The following MSTN variants were observed in gnomAD, a reference collection of about 807,000 sequenced individuals.
The protein encoded by MSTN is growth/differentiation factor 8.
In MSTN, 12 loss-of-function variants were observed where a neutral mutation model predicts 32.3. The observed-to-expected ratio is 0.37, with a 90% CI of 0.24 to 0.60. The LOEUF is 0.60. Among genes scored for constraint, MSTN ranks in the 20% least tolerant of loss-of-function variants. The pLI, the probability that MSTN is intolerant of heterozygous loss-of-function variation, is 0.67. For synonymous variants in MSTN, 168 were observed against 155.1 expected (o/e 1.08, Z -0.62); for missense variants, 403 against 450.3 (o/e 0.89, Z 0.95).
intron 2 of MSTN, among the ~76,000 whole-genome samples, chr2:190,058,751 C>A (rs1321816025): frequency 1.3e-5 from 2 of 151,894 alleles, no homozygotes; most frequent in Non-Finnish European, 2.9e-5. Flanking sequence ...AATGGAAAAC[C>A]AAATACCATA....
rs1036601450 is a variant in MSTN, at chr2:190,057,096, A to T, written c.*162T>A. On this transcript the variant is annotated 3_prime_UTR_variant, in exon 3 of 3. Coordinates refer to ENST00000260950, the MANE Select transcript of MSTN (RefSeq NM_005259.3). ...TTGTTTGGATGGTTAAATGCCAACC[A>T]TTGCATATATTCCCCCTTTTAGTTT... 4 of 696,778 alleles carry T rather than the reference A, an allele frequency of 5.7e-6. No homozygotes were observed. Among genetic ancestry groups the T allele is most frequent in the Non-Finnish European group, 9.5e-6 (4 of 422,980 alleles). 43.2% of individuals were successfully genotyped at this position (696,778 alleles called of 1,614,324 possible).
chr2:190,059,932 A>G, intron 2 of MSTN, 130 bp downstream of exon 2: 1 of 855,130 alleles, frequency 1.2e-6, no homozygotes, highest in Admixed American at 2.2e-5. Flanking sequence ...GTACAGGGCT[A>G]CCGTTGGGGT....
chr2:190,059,973 G>T, intron 2 of MSTN, 89 bp downstream of exon 2: 1 of 1,382,110 alleles, frequency 7.2e-7, no homozygotes, highest in East Asian at 2.4e-5. Context: ...ATGAGCTTAG[G>T]GAATTTGTAG....
At position 190,060,249 on chromosome 2, in the gene MSTN, G is replaced by T. The variant is rs370978355; in HGVS notation, c.560C>A (p.Thr187Asn). 1.2e-5 allele frequency: 20 copies of T among 1,612,980 alleles called. No individual in the cohort carries two copies. In the African/African-American group the frequency reaches 2.5e-4, roughly 20 times the overall value. Residue 187 changes from threonine (T) to asparagine (N), a missense_variant, in exon 2 of 3, where the codon ACT becomes AAT. Thr to Asn is a moderately conservative substitution (Grantham distance 65). Coordinates refer to ENST00000260950, the MANE Select transcript of MSTN (RefSeq NM_005259.3). ...IKPMKDGTRY[T>N]GIRSLKLDMN... ...GTCAAGTTTCAGAGATCGGATTCCA[G>T]TATACCTTGTACCGTCTTTCATAGG...
chr2:190,062,521 T>C lies in MSTN; in HGVS notation c.76A>G (p.Asn26Asp), dbSNP rs761141037. 1.2e-6 allele frequency: 2 copies of C among 1,613,426 alleles called. No homozygotes were observed. The highest frequency in any genetic ancestry group is 4.5e-5 in the East Asian group (2 of 44,874). Residue 26 changes from asparagine (N) to aspartate (D), a missense_variant, in exon 1 of 3, where the codon AAC (asparagine) becomes GAC (aspartate). Physicochemically the swap from Asn to Asp is conservative, Grantham distance 23. Coordinates refer to ENST00000260950, the MANE Select transcript of MSTN (RefSeq NM_005259.3). ...TCCACATTTTCTTTTTGCTCACTGTTCTCATTTAGATCCACTGGACCAGCA... is the reference window on the plus strand; with the variant it reads ...TCCACATTTTCTTTTTGCTCACTGTCCTCATTTAGATCCACTGGACCAGCA... Reference protein sequence around the residue: ...IVAGPVDLNENSEQKENVEKE... With the variant: ...IVAGPVDLNEDSEQKENVEKE...
intron 2 of MSTN, among the ~76,000 whole-genome samples, chr2:190,059,545 T>C (rs1685534865): frequency 6.6e-6 from 1 of 151,946 alleles, no homozygotes. Context: ...AAACCTTAAA[T>C]ATATTTAATA....
Position 190,060,207 on chromosome 2 carries a change from C to G in MSTN, c.602G>C (p.Gly201Ala). ...CTTCACATCAATGCTCTGCCAAATACCAGTGCCTGGGTTCATGTCAAGTTT... is the reference window on the plus strand; with the variant it reads ...CTTCACATCAATGCTCTGCCAAATAGCAGTGCCTGGGTTCATGTCAAGTTT... ...SLKLDMNPGTGIWQSIDVKTV... is the reference protein window; with the variant it reads ...SLKLDMNPGTAIWQSIDVKTV... The change falls in exon 2 of 3, where the codon GGT becomes GCT. Residue 201 changes from glycine to alanine, a missense_variant. Transcript: ENST00000260950. 1.2e-6 allele frequency: 2 copies of G among 1,613,074 alleles called. No homozygotes were observed. The highest frequency in any genetic ancestry group is 2.2e-5 in the South Asian group (2 of 91,054).
chr2:190,061,703 CAAAAT>C lies in MSTN; in HGVS notation c.373+516_373+520del, dbSNP rs1465815966. Among the ~76,000 whole-genome samples, 9 of 152,024 alleles carry C rather than the reference CAAAAT, an allele frequency of 5.9e-5. No individual in the cohort carries two copies. The East Asian group carries it at 1.7e-3, about 29-fold the overall frequency. On this transcript the variant is annotated intron_variant, in intron 1 of 2. Coordinates refer to ENST00000260950, the MANE Select transcript of MSTN (RefSeq NM_005259.3). ...GCATATTCTTCAGTGTAATAGCTCTCAAAATTAAATTTTTAACTGTGAAGAACAAA... is the reference window on the plus strand; with the variant it reads ...GCATATTCTTCAGTGTAATAGCTCTCTAAATTTTTAACTGTGAAGAACAAA...
rs150185464 is a variant in MSTN at position 190,057,326 on chromosome 2, T to C, written c.1060A>G (p.Asn354Asp). 2 of 1,613,492 alleles carry C rather than the reference T, an allele frequency of 1.2e-6. No homozygotes were observed. The highest frequency in any genetic ancestry group is 1.7e-6 in the Non-Finnish European group (2 of 1,179,554). Reference protein sequence around the residue: ...KMSPINMLYFNGKEQIIYGKI... With the variant: ...KMSPINMLYFDGKEQIIYGKI... ...CCATATATTATTTGTTCTTTGCCAT[T>C]AAAATATAGCATATTAATTGGAGAC... Residue 354 changes from asparagine (N) to aspartate (D), a missense_variant, in exon 3 of 3, where the codon AAT (asparagine) becomes GAT (aspartate). By Grantham distance (23) the Asn-to-Asp change is conservative (BLOSUM62 1). Coordinates refer to ENST00000260950, the MANE Select transcript of MSTN (RefSeq NM_005259.3).
chr2:190,061,007 T>C (rs1270156164), intron 1 of MSTN, among the ~76,000 whole-genome samples: 2 of 152,012 alleles, frequency 1.3e-5, no homozygotes, highest in African/African-American at 4.8e-5. Flanking sequence ...AACACAAAAA[T>C]TTTGATGTTA....
At position 190,060,305 on chromosome 2, in the gene MSTN, T is replaced by G. The variant is rs749060188; in HGVS notation, c.504A>C (p.Thr168=). Residue 168 remains threonine (T), a synonymous_variant, in exon 2 of 3, where the codon ACA becomes ACC. Transcript: ENST00000260950. ...IYLRPVETPT[T]VFVQILRLIK... is the part of the protein sequence containing the mutation. ...TGAGTCTCAGGATTTGCACAAACAC[T>G]GTTGTAGGAGTCTCGACGGGTCTCA... 5.0e-6 allele frequency: 8 copies of G among 1,613,028 alleles called. No individual in the cohort carries two copies. Among genetic ancestry groups the G allele is most frequent in the Non-Finnish European group, 5.1e-6 (6 of 1,179,312 alleles).
chr2:190,060,584 C>A lies in MSTN; in HGVS notation c.374-149G>T. The A allele has an allele frequency of 2.8e-6, 2 of 705,252 alleles. 1 individual carries two copies. The highest frequency in any genetic ancestry group is 4.1e-5 in the South Asian group (2 of 48,378). 43.7% of individuals were successfully genotyped at this position (705,252 alleles called of 1,614,324 possible). On this transcript the variant is annotated intron_variant, in intron 1 of 2. Transcript: ENST00000260950. The stretch of plus-strand genomic sequence containing the variant: ...AAATACCGTGTGGAACTTTATAACT[C>A]AAAAAAATGTCAAAGAAAATAATTA...
chr2:190,060,813 C>A (rs1230801615), intron 1 of MSTN, among the ~76,000 whole-genome samples: 1 of 151,968 alleles, frequency 6.6e-6, no homozygotes, highest in Non-Finnish European at 1.5e-5. Context: ...TGAGTAGTTA[C>A]ACTTACTGAG....
At chr2:190,058,830 C>T (rs1170882901) in intron 2 of MSTN, among the ~76,000 whole-genome samples, 1 of 151,826 alleles carries the variant, frequency 6.6e-6, no homozygotes. Context: ...TAAGGTACTT[C>T]GGAGACTCAG....
chr2:190,061,263 T>C (rs551686239), intron 1 of MSTN, among the ~76,000 whole-genome samples: 1 of 152,060 alleles, frequency 6.6e-6, no homozygotes, highest in Non-Finnish European at 1.5e-5. Context: ...TATAAAGCAT[T>C]GTATTAAAGC....
At position 190,057,645 on chromosome 2, in the gene MSTN, GA is replaced by G; in HGVS notation, c.748-8del. 1.2e-6 allele frequency: 2 copies of G among 1,612,702 alleles called. No individual in the cohort carries two copies. The stretch of plus-strand genomic sequence containing the variant: ...TGACCTCTAAAAACGGATTCTGTTT[GA>G]AAAGGAAAGAACAATCAGTAATATC... On this transcript the variant is annotated splice_polypyrimidine_tract_variant and splice_region_variant and intron_variant, in intron 2 of 2. Coordinates refer to ENST00000260950, the MANE Select transcript of MSTN (RefSeq NM_005259.3).
In MSTN at chr2:190,059,702, T is replaced by A. The variant is rs936007294; in HGVS notation, c.747+360A>T. On this transcript the variant is annotated intron_variant, in intron 2 of 2. Transcript: ENST00000260950. ...GAGAAAAAAATAATGTTTGGATTTG[T>A]TGGTTTATGTGGTAAAATCCACTAT... is the stretch of plus-strand genomic sequence containing the variant. 3.9e-5 allele frequency among the ~76,000 whole-genome samples: 6 copies of A among 152,096 alleles called. No homozygotes were observed. In the South Asian group the frequency reaches 1.0e-3, roughly 26 times the overall value.
chr2:190,058,966 C>G (rs1324367692), intron 2 of MSTN, among the ~76,000 whole-genome samples: 1 of 151,414 alleles, frequency 6.6e-6, no homozygotes, highest in Non-Finnish European at 1.5e-5. Flanking sequence ...CACTTGTACC[C>G]CCCAACATAT....
intron 2 of MSTN, among the ~76,000 whole-genome samples, chr2:190,059,783 TA>T (rs763813035): frequency 2.0e-5 from 3 of 151,976 alleles, no homozygotes; most frequent in Non-Finnish European, 4.4e-5. Context: ...AAAAGCACTT[TA>T]TATTTCATTC....
Sources: gnomAD v4.1 joint callset for allele counts (sites outside exome capture counted in the v4.1 genomes callset) on GRCh38, gnomAD v4.1.1 for gene constraint, MANE v1.5 for transcripts, NCBI Gene and HGNC (gene_info 2026-07-23, HGNC 2026-07-21) for gene names.